The following MAPK8IP3 variants were observed in gnomAD, a reference collection of about 807,000 sequenced individuals.
MAPK8IP3 encodes the protein C-Jun-amino-terminal kinase-interacting protein 3.
Under a neutral mutation model 157.8 loss-of-function variants are expected in MAPK8IP3, and 49 were observed. The observed-to-expected ratio is 0.31, with a 90% CI of 0.25 to 0.39. The LOEUF is 0.39. Ranked by LOEUF, MAPK8IP3 falls within the 10% of genes least tolerant of loss-of-function variation. MAPK8IP3 has a pLI of 1.00. For missense variants in MAPK8IP3, 1,478 were observed against 1,889.4 expected (o/e 0.78, Z 4.04); for synonymous variants, 897 against 777.7 (o/e 1.15, Z -2.55).
chr16:1,754,223 C>T (rs768356244), intron 8 of MAPK8IP3, among the ~76,000 whole-genome samples: 2 of 152,034 alleles, frequency 1.3e-5, no homozygotes, highest in African/African-American at 2.4e-5. Flanking sequence ...TTAATACTCA[C>T]TGAGTATGTC....
chr16:1,736,608 G>A (rs1156827303), intron 4 of MAPK8IP3, among the ~76,000 whole-genome samples: 1 of 76,304 alleles, frequency 1.3e-5, no homozygotes, highest in African/African-American at 5.1e-5. Flanking sequence ...GTGAGCATCC[G>A]TGTGACCGTC....
At chr16:1,766,501 C>T (rs1325877389) in intron 22 of MAPK8IP3, 28 bp from the exon 23 acceptor site, 2 of 1,607,942 alleles carry the variant, frequency 1.2e-6, no homozygotes, top group Non-Finnish European at 1.7e-6. Context: ...CTCCGTGGCC[C>T]CCCCTGGAGC....
chr16:1,762,779 G>A (rs2042027374), intron 15 of MAPK8IP3, 48 bp downstream of exon 15: 2 of 1,597,088 alleles, frequency 1.3e-6, no homozygotes, highest in African/African-American at 2.7e-5. Context: ...GCAGGGGAAG[G>A]GGCAGGGAGG....
chr16:1,736,783 CGTGTGTGACCGTCCGTGTGA>C (rs2039915562), intron 4 of MAPK8IP3, among the ~76,000 whole-genome samples: 5 of 42,302 alleles, frequency 1.2e-4, no homozygotes, highest in Admixed American at 8.1e-4. Context: ...TGTGACCATC[CGTGTGTGACCGTCCGTGTGA>C]GCGTGTGACC....
At position 1,767,702 on chromosome 16, in the gene MAPK8IP3, G is replaced by A; in HGVS notation, c.3376G>A (p.Val1126Met). 1.2e-6 allele frequency: 2 copies of A among 1,612,782 alleles called. No homozygotes were observed. Among genetic ancestry groups the A allele is most frequent in the Non-Finnish European group, 1.7e-6 (2 of 1,179,960 alleles). Residue 1126 changes from valine (V) to methionine (M), a missense_variant, in exon 27 of 32, where the codon GTG (valine) becomes ATG (methionine). Val to Met is a conservative substitution (Grantham distance 21, BLOSUM62 1). Coordinates refer to ENST00000610761, the MANE Select transcript of MAPK8IP3 (RefSeq NM_001318852.2). ...HAHTHQHLQDVDIEPYVSKML... is the reference protein window; with the variant it reads ...HAHTHQHLQDMDIEPYVSKML... ...ACACACGCACCAGCATCTACAGGAC[G>A]TGGACATTGAGCCCTACGTCAGCAA...
intron 2 of MAPK8IP3, among the ~76,000 whole-genome samples, chr16:1,727,713 C>T (rs1405979736): frequency 9.2e-5 from 14 of 152,190 alleles, no homozygotes; most frequent in Admixed American, 8.5e-4. Context: ...CTGGCGCTGA[C>T]GCCTATGCTG....
In MAPK8IP3 at chr16:1,768,522, C is replaced by G; in HGVS notation, c.3788C>G (p.Ala1263Gly). The stretch of plus-strand genomic sequence containing the variant: ...AATGGGAGTGTGCTGGACAGCCCAG[C>G]CGAGGGCCCTGGGCCAGCTGCCCCT... ...TLNGSVLDSP[A>G]EGPGPAAPAS... Residue 1263 changes from alanine to glycine, a missense_variant, in exon 31 of 32, where the codon GCC becomes GGC. Physicochemically the swap from Ala to Gly is moderately conservative, Grantham distance 60. Around this residue, in one of 11 missense-constraint regions of MAPK8IP3, gnomAD observed 133 missense variants for 133.4 expected, o/e 1.00. Coordinates refer to ENST00000610761, the MANE Select transcript of MAPK8IP3 (RefSeq NM_001318852.2). 1 of 1,558,020 alleles carries G rather than the reference C, an allele frequency of 6.4e-7. No homozygotes were observed. Among genetic ancestry groups the G allele is most frequent in the East Asian group, 2.4e-5 (1 of 41,632 alleles).
rs1567176896 is a variant in MAPK8IP3, at chr16:1,742,273, C to T, written c.603-1059C>T. 1.3e-5 allele frequency among the ~76,000 whole-genome samples: 2 copies of T among 152,184 alleles called. No individual in the cohort carries two copies. The highest frequency in any genetic ancestry group is 3.9e-4 in the East Asian group (2 of 5,188). On this transcript the variant is annotated intron_variant, in intron 4 of 31. Coordinates refer to ENST00000610761, the MANE Select transcript of MAPK8IP3 (RefSeq NM_001318852.2). This position sits in a 1 kb window ranked among gnomAD's most constrained non-coding sequence, Gnocchi z 5.0. ...GTAAAGGGAGACCTTGGGCTCCATC[C>T]CTGCTCTTGCTTATGGCCCACAGGA...
At chr16:1,739,682 CCGTCCGT>C (rs2141831818) in intron 4 of MAPK8IP3, among the ~76,000 whole-genome samples, 1 of 98,688 alleles carries the variant, frequency 1.0e-5, no homozygotes, top group Non-Finnish European at 2.0e-5. Context: ...GTGTGAGTGA[CCGTCCGT>C]GTGAGCTTCC....
chr16:1,761,139 A>G (rs1055981031), intron 12 of MAPK8IP3, 85 bp from the exon 13 acceptor site: 2 of 1,064,264 alleles, frequency 1.9e-6, no homozygotes, highest in Admixed American at 1.7e-5. Flanking sequence ...GCAAGGACAC[A>G]GGTTCGGGGC....
In MAPK8IP3 at chr16:1,760,352, G is replaced by A. The variant is rs771766961; in HGVS notation, c.1305-28G>A. The stretch of plus-strand genomic sequence containing the variant: ...CACGTACCTGTATGCCGCGCCCGTG[G>A]CACTCCCATCTTTCTGCTTTTTCAA... On this transcript the variant is annotated intron_variant, in intron 11 of 31. Transcript: ENST00000610761. 6 of 1,597,678 alleles carry A rather than the reference G, an allele frequency of 3.8e-6. No homozygotes were observed. The African/African-American group carries it at 6.7e-5, about 18-fold the overall frequency.
Position 1,768,088 on chromosome 16 carries a change from C to G in MAPK8IP3, c.3543C>G (p.Gly1181=). Residue 1181 remains glycine (G), a synonymous_variant, in exon 29 of 32, where the codon GGC becomes GGG. Transcript: ENST00000610761. The part of the protein sequence containing the change: ...PLTETVVLHR[G]QLLGLRANKT... ...CCCCAGCTGTGGTCCTGCACCGAGG[C>G]CAGCTCCTGGGGCTCCGAGGTAAGC... 6.2e-7 allele frequency: 1 copy of G among 1,612,364 alleles called. No individual in the cohort carries two copies. The highest frequency in any genetic ancestry group is 8.5e-7 in the Non-Finnish European group (1 of 1,179,996).
intron 4 of MAPK8IP3, among the ~76,000 whole-genome samples, chr16:1,737,234 G>C (rs2040015094): frequency 1.0e-5 from 1 of 95,948 alleles, no homozygotes; most frequent in Non-Finnish European, 2.0e-5. Context: ...ATCCATGTAA[G>C]CATCCGTGTG....
chr16:1,764,331 G>T lies in MAPK8IP3; in HGVS notation c.2152G>T (p.Gly718Trp), dbSNP rs1255439530. 3 of 1,576,604 alleles carry T rather than the reference G, an allele frequency of 1.9e-6. No individual in the cohort carries two copies. The highest frequency in any genetic ancestry group is 2.7e-5 in the African/African-American group (2 of 74,122). ...LWCAAGVNLS[G>W]WRPNEDDAGN... ...GTGTGCCGCGGGCGTCAACCTGAGCGGGTGGAGGCCCAATGAGGACGACGC... is the reference window on the plus strand; with the variant it reads ...GTGTGCCGCGGGCGTCAACCTGAGCTGGTGGAGGCCCAATGAGGACGACGC... The change falls in exon 19 of 32, where the codon GGG becomes TGG. Residue 718 changes from glycine to tryptophan, a missense_variant. This residue lies in a region of MAPK8IP3 where 669 missense variants were observed against 759.8 expected (regional missense o/e 0.88). Transcript: ENST00000610761.
chr16:1,735,919 C>A (rs1255322489), intron 4 of MAPK8IP3, among the ~76,000 whole-genome samples: 2 of 104,534 alleles, frequency 1.9e-5, no homozygotes, highest in East Asian at 3.3e-4. Context: ...TGTGACCATC[C>A]GTGAGCATCC....
chr16:1,739,796 G>A (rs111208278), intron 4 of MAPK8IP3, among the ~76,000 whole-genome samples: 7,609 of 112,714 alleles, frequency 0.068, 575 homozygotes, highest in Non-Finnish European at 0.075. Flanking sequence ...GTGAGCATCC[G>A]TGTGACCATC....
Position 1,743,398 on chromosome 16 carries a change from CG to C in MAPK8IP3, c.674del (p.Gly225AlafsTer12). On this transcript the variant is annotated frameshift_variant, in exon 5 of 32. Coordinates refer to ENST00000610761, the MANE Select transcript of MAPK8IP3 (RefSeq NM_001318852.2). LOFTEE classifies it high-confidence loss of function. This position sits in a 1 kb window ranked among gnomAD's most constrained non-coding sequence, Gnocchi z 5.6. ...LADGTVRAQIGGKLVPAGDHW... is the reference protein window; with the variant it reads ...LADGTVRAQIXGKLVPAGDHW... ...CTGACGGCACGGTACGTGCACAGATCGGGGGCAAGCTCGTGCCTGCGGGGGA... is the reference window on the plus strand; with the variant it reads ...CTGACGGCACGGTACGTGCACAGATCGGGGCAAGCTCGTGCCTGCGGGGGA... The C allele has an allele frequency of 6.2e-7, 1 of 1,609,710 alleles. No individual in the cohort carries two copies.
intron 1 of MAPK8IP3, among the ~76,000 whole-genome samples, chr16:1,720,192 G>A (rs773931234): frequency 6.6e-6 from 1 of 152,130 alleles, no homozygotes; most frequent in Non-Finnish European, 1.5e-5. Context: ...ACGCCACCAC[G>A]CCCAGCTGAT....
chr16:1,739,212 G>A (rs1306037040), intron 4 of MAPK8IP3, among the ~76,000 whole-genome samples: 10 of 129,580 alleles, frequency 7.7e-5, no homozygotes, highest in Admixed American at 1.6e-4. Context: ...GTGAGCGTCC[G>A]TGTGAGCGTG....
Sources: allele counts gnomAD v4.1 joint callset (sites outside exome capture counted in the v4.1 genomes callset), GRCh38; gene constraint gnomAD v4.1.1; regional missense constraint gnomAD v4.1.1; non-coding constraint Gnocchi (gnomAD v3.1); transcripts MANE v1.5; gene names NCBI Gene and HGNC (gene_info 2026-07-23, HGNC 2026-07-21).